The following GSE1 variants were observed in gnomAD, a reference collection of about 807,000 sequenced individuals.
GSE1 encodes genetic suppressor element 1.
In GSE1, 32 loss-of-function variants were observed where a neutral mutation model predicts 112.6. That is an observed-to-expected ratio of 0.28 (90% CI 0.21 to 0.38). The LOEUF is 0.38. Among genes scored for constraint, GSE1 ranks in the 10% least tolerant of loss-of-function variants. The probability of loss-of-function intolerance (pLI) is 1.00; values close to 1 mark genes in which losing one functional copy is unlikely to be tolerated. For synonymous variants in GSE1, 1,115 were observed against 735.6 expected (o/e 1.52, Z -8.35); for missense variants, 2,348 against 1,699.2 (o/e 1.38, Z -6.71).
At chr16:85,622,046 G>A (rs548970365) in intron 1 of GSE1, among the ~76,000 whole-genome samples, 37 of 152,274 alleles carry the variant, frequency 2.4e-4, no homozygotes, top group Non-Finnish European at 2.8e-4. Flanking sequence ...CTGGAGGGGC[G>A]TGTGTGTGTG....
intron 2 of GSE1, among the ~76,000 whole-genome samples, chr16:85,394,529 C>T (rs1197285408): frequency 6.6e-6 from 1 of 152,054 alleles, no homozygotes; most frequent in Non-Finnish European, 1.5e-5. Context: ...ATGTACCCTC[C>T]CCTGTGCCCA....
chr16:85,235,976 G>A (rs933146385), intron 1 of GSE1, among the ~76,000 whole-genome samples: 2 of 151,874 alleles, frequency 1.3e-5, no homozygotes, highest in African/African-American at 4.8e-5. Flanking sequence ...CCGGCGCCGG[G>A]CCTGGGCCTG....
At chr16:85,443,522 ATAAGCGTTAAC>A (rs1285438273) in intron 2 of GSE1, among the ~76,000 whole-genome samples, 1 of 152,260 alleles carries the variant, frequency 6.6e-6, no homozygotes, top group African/African-American at 2.4e-5. Context: ...TAATGTTTAT[ATAAGCGTTAAC>A]TGTTATTATT....
intron 2 of GSE1, among the ~76,000 whole-genome samples, chr16:85,464,276 C>G (rs556629141): frequency 6.6e-6 from 1 of 152,156 alleles, no homozygotes; most frequent in East Asian, 1.9e-4. Flanking sequence ...GTAGAAAGAG[C>G]TTAAAACAAA....
At chr16:85,328,887 C>A (rs2046281141) in intron 1 of GSE1, among the ~76,000 whole-genome samples, 2 of 152,234 alleles carry the variant, frequency 1.3e-5, no homozygotes, top group South Asian at 4.1e-4. Context: ...CCAGCTGCAC[C>A]CCTGCCACCC....
chr16:85,534,875 G>A (rs958175082), intron 2 of GSE1, among the ~76,000 whole-genome samples: 8 of 152,218 alleles, frequency 5.3e-5, no homozygotes, highest in African/African-American at 1.4e-4. Flanking sequence ...GCGATTTAGC[G>A]ATTTGTTGGT....
intron 2 of GSE1, among the ~76,000 whole-genome samples, chr16:85,511,934 C>A (rs951072680): frequency 2.6e-5 from 4 of 152,168 alleles, no homozygotes; most frequent in African/African-American, 7.2e-5. Context: ...TAAGCCACTG[C>A]AGGGCAGAGA....
rs1455592187 is a variant in GSE1 at position 85,654,002 on chromosome 16, G to C, written c.427-276G>C. Among the ~76,000 whole-genome samples the C allele has an allele frequency of 2.0e-5, 3 of 152,126 alleles. 1 individual carries two copies. The East Asian group carries it at 5.8e-4, about 29-fold the overall frequency. ...ACCTGCACACATTGTGTTTCTGGGG[G>C]GTTCTAGTTCTTTTGCTGGACTGAG... On this transcript the variant is annotated intron_variant, in intron 3 of 15. Coordinates refer to ENST00000253458, the MANE Select transcript of GSE1 (RefSeq NM_014615.5).
chr16:85,587,786 G>T (rs762993698), intron 1 of GSE1, among the ~76,000 whole-genome samples: 1 of 152,080 alleles, frequency 6.6e-6, no homozygotes, highest in African/African-American at 2.4e-5. Context: ...CTTTCCTGCC[G>T]GTTGGCAAAG....
intron 1 of GSE1, among the ~76,000 whole-genome samples, chr16:85,631,595 C>T (rs916562344): frequency 6.6e-5 from 10 of 152,052 alleles, no homozygotes; most frequent in African/African-American, 2.4e-4. Flanking sequence ...CTGGGACTGG[C>T]ATCTGCCTGC....
intron 1 of GSE1, among the ~76,000 whole-genome samples, chr16:85,220,328 A>G (rs2075369772): frequency 6.6e-6 from 1 of 152,144 alleles, no homozygotes; most frequent in Admixed American, 6.5e-5. Flanking sequence ...ACCGGACCAC[A>G]TGTTGCCAGG....
At chr16:85,650,861 C>T (rs946680477) in intron 3 of GSE1, among the ~76,000 whole-genome samples, 1 of 151,676 alleles carries the variant, frequency 6.6e-6, no homozygotes, top group African/African-American at 2.4e-5. Context: ...AGTTGCCGGG[C>T]CGGAGGCTTC....
Position 85,672,767 on chromosome 16 carries a change from C to A in GSE1, c.*228C>A. ...CGAGCAACCAATGTAGGATTGCCCA[C>A]AGTTTTTCTTTTTAAAGGTGGTTTT... On this transcript the variant is annotated 3_prime_UTR_variant, in exon 16 of 16. Transcript: ENST00000253458. 1 of 356,220 alleles carries A rather than the reference C, an allele frequency of 2.8e-6. No homozygotes were observed. The highest frequency in any genetic ancestry group is 4.4e-5 in the East Asian group (1 of 22,698). The allele number at this position is 356,220 out of a possible 1,614,324, so 22.1% of individuals were successfully genotyped here.
chr16:85,492,071 G>A (rs531413524), intron 2 of GSE1, among the ~76,000 whole-genome samples: 33 of 152,308 alleles, frequency 2.2e-4, no homozygotes, highest in Admixed American at 2.1e-3. Flanking sequence ...TGGAGAGCTG[G>A]CTACCACTGG....
chr16:85,662,516 GGA>G (rs1406668612), intron 9 of GSE1: 1 of 155,152 alleles, frequency 6.4e-6, no homozygotes, highest in Non-Finnish European at 1.4e-5. Flanking sequence ...AAAGGAGGAG[GGA>G]GATACCCCAG....
At chr16:85,548,817 G>C (rs1241100181) in intron 2 of GSE1, among the ~76,000 whole-genome samples, 6 of 151,990 alleles carry the variant, frequency 3.9e-5, no homozygotes, top group African/African-American at 1.5e-4. Context: ...TGGAGACGGA[G>C]TCTCACTCTG....
At chr16:85,580,584 G>A (rs1442376510) in intron 1 of GSE1, among the ~76,000 whole-genome samples, 1 of 152,246 alleles carries the variant, frequency 6.6e-6, no homozygotes, top group Non-Finnish European at 1.5e-5. Context: ...GGGTCACAAG[G>A]CCTGGCTGTG....
At chr16:85,467,605 C>G (rs1325744262) in intron 2 of GSE1, among the ~76,000 whole-genome samples, 2 of 152,168 alleles carry the variant, frequency 1.3e-5, no homozygotes, top group Admixed American at 6.5e-5. Context: ...AACCTGGTGG[C>G]TGGACATCTT....
At position 85,657,589 on chromosome 16, in the gene GSE1, C is replaced by T. The variant is rs541016216; in HGVS notation, c.1625C>T (p.Pro542Leu). The T allele has an allele frequency of 2.0e-5, 30 of 1,536,144 alleles. No individual in the cohort carries two copies. Among genetic ancestry groups the T allele is most frequent in the African/African-American group, 2.8e-5 (2 of 72,604 alleles). ...PPVPAEAEHR[P>L]ESTTRPGPNR... Reference sequence around the variant, plus strand: ...GTGCCGGCGGAGGCAGAGCACAGGCCGGAGAGCACCACCAGGTGAGTGAGC... The same window carrying T: ...GTGCCGGCGGAGGCAGAGCACAGGCTGGAGAGCACCACCAGGTGAGTGAGC... Residue 542 changes from proline (P) to leucine (L), a missense_variant, in exon 8 of 16, where the codon CCG (proline) becomes CTG (leucine). Pro to Leu is a moderately conservative substitution (Grantham distance 98). Transcript: ENST00000253458.
Sources: allele counts gnomAD v4.1 joint callset (sites outside exome capture counted in the v4.1 genomes callset), GRCh38; gene constraint gnomAD v4.1.1; transcripts MANE v1.5; gene names NCBI Gene and HGNC (gene_info 2026-07-23, HGNC 2026-07-21).